Variants in ULK4 observed in about 807,000 individuals in gnomAD.
ULK4 encodes unc-51 like kinase 4, also known as inactive serine/threonine-protein kinase ULK4.
ULK4 carries 133 observed loss-of-function variants against 160.6 expected under a neutral mutation model. The observed-to-expected ratio is 0.83, with a 90% CI of 0.72 to 0.96. ULK4 has a LOEUF of 0.96. Ranked by LOEUF, ULK4 falls within the 40% of genes least tolerant of loss-of-function variation. The pLI, the probability that ULK4 is intolerant of heterozygous loss-of-function variation, is 0.00. For synonymous variants in ULK4, 534 were observed against 539.8 expected (o/e 0.99, Z 0.15); for missense variants, 1,580 against 1,499.5 (o/e 1.05, Z -0.89).
chr3:41,794,686 A>AAAAAAAAAAAAAAAAAAAAAAAAC (rs1553654814), intron 20 of ULK4, among the ~76,000 whole-genome samples: 10 of 112,422 alleles, frequency 8.9e-5, no homozygotes, highest in African/African-American at 3.7e-4. Context: ...AAAAAAAAAA[A>AAAAAAAAAAAAAAAAAAAAAAAAC]CACAGAAAAA....
chr3:41,322,234 G>C (rs549544105), intron 35 of ULK4, among the ~76,000 whole-genome samples: 1 of 146,734 alleles, frequency 6.8e-6, no homozygotes, highest in South Asian at 2.1e-4. Context: ...GTTTCACCCT[G>C]TTGGCCAGGC....
intron 30 of ULK4, among the ~76,000 whole-genome samples, chr3:41,617,509 G>A (rs1433162903): frequency 6.6e-6 from 1 of 151,640 alleles, no homozygotes; most frequent in African/African-American, 2.4e-5. Flanking sequence ...GCAAACTGCA[G>A]TAGACCTGCA....
intron 5 of ULK4, among the ~76,000 whole-genome samples, chr3:41,924,062 C>T (rs922338695): frequency 1.3e-5 from 2 of 152,146 alleles, no homozygotes; most frequent in Non-Finnish European, 2.9e-5. Context: ...ATCCAGATGT[C>T]CTTATTAGAA....
chr3:41,880,740 A>G (rs1697486795), intron 17 of ULK4, among the ~76,000 whole-genome samples: 1 of 152,174 alleles, frequency 6.6e-6, no homozygotes, highest in South Asian at 2.1e-4. Flanking sequence ...CCTGACCAAC[A>G]TGATGAAACC....
intron 19 of ULK4, among the ~76,000 whole-genome samples, chr3:41,815,028 C>T (rs2040924590): frequency 6.6e-6 from 1 of 151,716 alleles, no homozygotes; most frequent in African/African-American, 2.4e-5. Context: ...CCTGCCTCAG[C>T]CTCCCGAGTA....
At chr3:41,639,017 A>T (rs2034073092) in intron 30 of ULK4, among the ~76,000 whole-genome samples, 1 of 152,238 alleles carries the variant, frequency 6.6e-6, no homozygotes, top group East Asian at 1.9e-4. Flanking sequence ...ATTAAAACAG[A>T]ACCATGATGC....
At chr3:41,495,876 G>A (rs187509513) in intron 32 of ULK4, among the ~76,000 whole-genome samples, 189 of 151,922 alleles carry the variant, frequency 1.2e-3, no homozygotes, top group African/African-American at 4.2e-3. Flanking sequence ...AAACCACAAT[G>A]AGATACCATC....
At chr3:41,802,439 G>A (rs1184207626) in intron 19 of ULK4, among the ~76,000 whole-genome samples, 2 of 152,146 alleles carry the variant, frequency 1.3e-5, no homozygotes, top group South Asian at 2.1e-4. Flanking sequence ...TGGGACAAGA[G>A]GCATGTGCCA....
At chr3:41,408,739 A>C (rs772267457) in intron 34 of ULK4, among the ~76,000 whole-genome samples, 3 of 152,152 alleles carry the variant, frequency 2.0e-5, no homozygotes, top group Non-Finnish European at 2.9e-5. Flanking sequence ...AATCCAACAA[A>C]TGTGGTACTG....
intron 32 of ULK4, among the ~76,000 whole-genome samples, chr3:41,536,122 ACAGT>A (rs1388962319): frequency 6.6e-6 from 1 of 152,162 alleles, no homozygotes; most frequent in African/African-American, 2.4e-5. Context: ...TTTGGAGCTC[ACAGT>A]CAGTTATCAG....
intron 17 of ULK4, chr3:41,859,374 C>T: frequency 1.7e-6 from 1 of 580,114 alleles, no homozygotes; most frequent in Non-Finnish European, 3.4e-6. Flanking sequence ...GCTTCAGATA[C>T]CAGACGGCTT....
intron 31 of ULK4, among the ~76,000 whole-genome samples, chr3:41,613,367 T>A (rs1469076772): frequency 6.6e-6 from 1 of 152,194 alleles, no homozygotes; most frequent in African/African-American, 2.4e-5. Context: ...TAGATTTTTA[T>A]AATATATCAC....
intron 7 of ULK4, among the ~76,000 whole-genome samples, chr3:41,916,768 A>C (rs1374873801): frequency 1.4e-5 from 2 of 138,224 alleles, no homozygotes; most frequent in East Asian, 4.3e-4. Flanking sequence ...AGTGCAATGG[A>C]GCGATCTCAG....
At chr3:41,328,679 G>A (rs1319076310) in intron 35 of ULK4, among the ~76,000 whole-genome samples, 1 of 152,112 alleles carries the variant, frequency 6.6e-6, no homozygotes, top group African/African-American at 2.4e-5. Context: ...TTCCTGATAC[G>A]AGATTTGTTT....
At chr3:41,769,874 C>G (rs1300157844) in intron 21 of ULK4, among the ~76,000 whole-genome samples, 2 of 152,024 alleles carry the variant, frequency 1.3e-5, no homozygotes, top group Non-Finnish European at 2.9e-5. Flanking sequence ...ATGGTCAAAG[C>G]TAAAAATCAA....
chr3:41,720,830 A>T (rs1199016354), intron 22 of ULK4, among the ~76,000 whole-genome samples: 1 of 152,182 alleles, frequency 6.6e-6, no homozygotes, highest in African/African-American at 2.4e-5. Flanking sequence ...TGAGCTGGCA[A>T]TAATTTGAAA....
At chr3:41,775,348 T>C (rs1000289843) in intron 21 of ULK4, among the ~76,000 whole-genome samples, 2 of 150,378 alleles carry the variant, frequency 1.3e-5, no homozygotes, top group African/African-American at 5.0e-5. Context: ...ATAATATCCA[T>C]ATCCACATGC....
chr3:41,325,616 T>C lies in ULK4; in HGVS notation c.3678+72463A>G, dbSNP rs531283141. Among the ~76,000 whole-genome samples the C allele has an allele frequency of 7.9e-5, 12 of 152,260 alleles. No homozygotes were observed. The South Asian group carries it at 8.3e-4, about 11-fold the overall frequency. ...TAATAAAAGGATGGATTTTATTTTA[T>C]ATATAAAATATATAATAGGCAGGGC... On this transcript the variant is annotated intron_variant, in intron 35 of 36. Transcript: ENST00000301831.
chr3:41,318,146 AAT>A (rs1491147057), intron 35 of ULK4, among the ~76,000 whole-genome samples: 18 of 147,730 alleles, frequency 1.2e-4, no homozygotes, highest in Non-Finnish European at 1.8e-4. Context: ...GTTAAAAAAA[AAT>A]AAGATAGAAA....
Sources: gnomAD v4.1 joint callset for allele counts (sites outside exome capture counted in the v4.1 genomes callset) on GRCh38, gnomAD v4.1.1 for gene constraint, MANE v1.5 for transcripts, NCBI Gene and HGNC (gene_info 2026-07-23, HGNC 2026-07-21) for gene names.